PAX2: variants seen among roughly 807,000 people sequenced by gnomAD.
PAX2 encodes paired box protein Pax-2.
In PAX2, 9 loss-of-function variants were observed where a neutral mutation model predicts 41.7. The observed-to-expected ratio is 0.22, with a 90% CI of 0.13 to 0.38. The LOEUF (loss-of-function observed/expected upper bound fraction) is 0.38, where lower values mean the gene tolerates loss of function less well. PAX2 is among the 10% of genes least tolerant of loss of function. The probability of loss-of-function intolerance (pLI) is 1.00; values close to 1 mark genes in which losing one functional copy is unlikely to be tolerated. For synonymous variants in PAX2, 221 were observed against 212.7 expected, an observed-to-expected ratio of 1.04 and a Z score of -0.34; for missense variants, 418 against 531.6, an observed-to-expected ratio of 0.79 and a Z score of 2.10.
chr10:100,742,358 G>T (rs768953266), upstream of PAX2, among the ~76,000 whole-genome samples: 1 of 147,352 alleles, frequency 6.8e-6, no homozygotes, highest in Non-Finnish European at 1.5e-5. Context: ...GAGGTGCGGG[G>T]TGCCTATCCG....
At chr10:100,741,993 G>A (rs1003721982), upstream of PAX2, among the ~76,000 whole-genome samples, 1 of 152,180 alleles carries the variant, frequency 6.6e-6, no homozygotes, top group Non-Finnish European at 1.5e-5. Flanking sequence ...CACGGGGGAG[G>A]GGCGCGGCTG....
intron 5 of PAX2, among the ~76,000 whole-genome samples, chr10:100,787,890 T>A (rs1231821226): frequency 6.6e-6 from 1 of 152,032 alleles, no homozygotes; most frequent in Non-Finnish European, 1.5e-5. Flanking sequence ...TGCATACCTC[T>A]GTTGTGTTGT....
At chr10:100,775,887 C>T (rs1470760747) in intron 3 of PAX2, among the ~76,000 whole-genome samples, 1 of 152,214 alleles carries the variant, frequency 6.6e-6, no homozygotes, top group African/African-American at 2.4e-5. Context: ...CCCTCCAACT[C>T]TTGGGAGATG....
intron 5 of PAX2, among the ~76,000 whole-genome samples, chr10:100,796,260 T>A (rs1446073867): frequency 1.3e-5 from 2 of 152,266 alleles, no homozygotes; most frequent in African/African-American, 4.8e-5. Flanking sequence ...TCTTTCTTTT[T>A]TGTGTATATA....
rs1325744550 is a variant in PAX2 at position 100,829,197 on chromosome 10, GT to G, written c.*1582del. 4.3e-6 allele frequency: 1 copy of G among 232,532 alleles called. No homozygotes were observed. Among genetic ancestry groups the G allele is most frequent in the Non-Finnish European group, 8.5e-6 (1 of 117,588 alleles). The allele number at this position is 232,532 out of a possible 1,614,324, so 14.4% of individuals were successfully genotyped here. A position where few individuals can be genotyped will look rare whatever the true frequency, so the allele number is the denominator to read the frequency against. ...GTTGGCTCTTTCTCTGTAATTCCGT[GT>G]TTTCGCTTTTTCCTCCCTGCCCCTC... On this transcript the variant is annotated 3_prime_UTR_variant, in exon 10 of 10. Coordinates refer to ENST00000355243, the MANE Select transcript of PAX2 (RefSeq NM_000278.5).
chr10:100,776,685 G>C (rs565292881), intron 3 of PAX2, among the ~76,000 whole-genome samples: 3 of 152,238 alleles, frequency 2.0e-5, no homozygotes, highest in East Asian at 3.9e-4. Flanking sequence ...CACCTCAAAT[G>C]CTGCACATCT....
chr10:100,802,559 G>A (rs1847602024), intron 5 of PAX2, among the ~76,000 whole-genome samples: 1 of 152,164 alleles, frequency 6.6e-6, no homozygotes, highest in Admixed American at 6.5e-5. Flanking sequence ...TGAGAGACTG[G>A]GTGTCCTTGG....
At chr10:100,809,462 G>A (rs1181586471) in intron 7 of PAX2, among the ~76,000 whole-genome samples, 4 of 152,246 alleles carry the variant, frequency 2.6e-5, no homozygotes, top group African/African-American at 9.6e-5. Context: ...CTGATGCTAG[G>A]AGGGGCTGTT....
At chr10:100,747,139 C>G (rs999679664) in intron 1 of PAX2, 2 of 152,208 alleles carry the variant, frequency 1.3e-5, no homozygotes, top group Non-Finnish European at 2.9e-5. Flanking sequence ...CCAGGTGGGC[C>G]CCCGGCAGAG....
rs142830751 is a variant in PAX2 at position 100,811,006 on chromosome 10, C to T, written c.919+1770C>T. On this transcript the variant is annotated intron_variant, in intron 7 of 9. Coordinates refer to ENST00000355243, the MANE Select transcript of PAX2 (RefSeq NM_000278.5). ...TAGCACTAACATCTCAATCTGTATG[C>T]GACATTTCAATCAAGCGAGGAGTAA... Among the ~76,000 whole-genome samples, 598 of 152,256 alleles carry T rather than the reference C, an allele frequency of 3.9e-3. 5 individuals carry two copies. Among genetic ancestry groups the T allele is most frequent in the African/African-American group, 0.013 (549 of 41,548 alleles).
At chr10:100,815,994 C>T (rs955754510) in intron 7 of PAX2, among the ~76,000 whole-genome samples, 5 of 152,184 alleles carry the variant, frequency 3.3e-5, no homozygotes, top group East Asian at 1.9e-4. Flanking sequence ...GTGTTTTCTA[C>T]GCTGAGCTCA....
intron 1 of PAX2, among the ~76,000 whole-genome samples, chr10:100,739,485 G>C (rs529973733): frequency 1.3e-5 from 2 of 152,156 alleles, no homozygotes; most frequent in Admixed American, 6.5e-5. Flanking sequence ...TTTGGTGCCG[G>C]CTCGCAACTC....
chr10:100,752,079 A>G (rs1845462621), intron 3 of PAX2, among the ~76,000 whole-genome samples: 1 of 152,226 alleles, frequency 6.6e-6, no homozygotes, highest in Admixed American at 6.5e-5. Flanking sequence ...ACAGCAGGTA[A>G]AATTAGCTGG....
chr10:100,765,462 C>A (rs1358290928), intron 3 of PAX2, among the ~76,000 whole-genome samples: 2 of 152,208 alleles, frequency 1.3e-5, no homozygotes. Flanking sequence ...GCATCATTCT[C>A]AAATTCCTAG....
Position 100,766,479 on chromosome 10 carries a change from G to T in PAX2, c.411-13019G>T, listed in dbSNP as rs577930385. Among the ~76,000 whole-genome samples the T allele has an allele frequency of 1.2e-4, 18 of 152,270 alleles. No homozygotes were observed. In the South Asian group the frequency reaches 3.7e-3, roughly 32 times the overall value. ...TATATTGCTGTTCCCATTGGGATTG[G>T]CAAGTTTACTCCCGTCCATCCTCCT... On this transcript the variant is annotated intron_variant, in intron 3 of 9. Transcript: ENST00000355243.
In PAX2 at chr10:100,827,845, C is replaced by T. The variant is rs548724157; in HGVS notation, c.*226C>T. ...GCGGGACCCTCAGGCCCGGGCCCGC[C>T]GCCCCCAGCCCCGCCTGCCGCCCCT... On this transcript the variant is annotated 3_prime_UTR_variant, in exon 10 of 10. Coordinates refer to ENST00000355243, the MANE Select transcript of PAX2 (RefSeq NM_000278.5). The surrounding 1 kb of genome is among the most constrained non-coding windows in gnomAD (Gnocchi z 8.5). 9.7e-6 allele frequency: 6 copies of T among 616,910 alleles called. No homozygotes were observed. The highest frequency in any genetic ancestry group is 3.1e-5 in the Admixed American group (1 of 32,646). The allele number at this position is 616,910 out of a possible 1,614,324, so 38.2% of individuals were successfully genotyped here.
intron 1 of PAX2, among the ~76,000 whole-genome samples, chr10:100,740,333 A>AG (rs1363026610): frequency 1.3e-5 from 2 of 151,650 alleles, no homozygotes; most frequent in South Asian, 2.1e-4. Flanking sequence ...TGCAGTTGGG[A>AG]GGGGGGTGCA....
intron 5 of PAX2, among the ~76,000 whole-genome samples, chr10:100,802,527 G>A (rs1847599904): frequency 6.6e-6 from 1 of 152,224 alleles, no homozygotes; most frequent in South Asian, 2.1e-4. Context: ...TTGCTAGCCA[G>A]GGATGTGTGG....
At chr10:100,769,348 C>A (rs1251766692) in intron 3 of PAX2, among the ~76,000 whole-genome samples, 1 of 152,152 alleles carries the variant, frequency 6.6e-6, no homozygotes, top group South Asian at 2.1e-4. Flanking sequence ...TTATTATTGG[C>A]CAGGTACAGT....
Sources: allele counts gnomAD v4.1 joint callset (sites outside exome capture counted in the v4.1 genomes callset), GRCh38; gene constraint gnomAD v4.1.1; non-coding constraint Gnocchi (gnomAD v3.1); transcripts MANE v1.5; gene names NCBI Gene and HGNC (gene_info 2026-07-23, HGNC 2026-07-21).